The following ATP2B4 variants were observed in gnomAD, a reference collection of about 807,000 sequenced individuals.
ATP2B4 encodes the protein ATPase plasma membrane Ca2+ transporting 4.
In ATP2B4, 39 loss-of-function variants were observed where a neutral mutation model predicts 110.3. That is an observed-to-expected ratio of 0.35 (90% CI 0.27 to 0.46). The LOEUF (loss-of-function observed/expected upper bound fraction) is 0.46, where lower values mean the gene tolerates loss of function less well. Among genes scored for constraint, ATP2B4 ranks in the 20% least tolerant of loss-of-function variants. The pLI is 1.00. For missense variants in ATP2B4, 1,135 were observed against 1,530.9 expected (o/e 0.74, Z 4.32); for synonymous variants, 538 against 571.7 (o/e 0.94, Z 0.84).
chr1:203,731,628 A>C (rs1666715078), intron 20 of ATP2B4, among the ~76,000 whole-genome samples: 1 of 151,102 alleles, frequency 6.6e-6, no homozygotes. Context: ...GAGGAAGGCA[A>C]ATCACAAGGT....
At chr1:203,706,894 C>A in intron 8 of ATP2B4, 115 bp from the exon 9 acceptor site, 2 of 814,090 alleles carry the variant, frequency 2.5e-6, no homozygotes, top group Non-Finnish European at 3.9e-6. Context: ...GTCTTCCTGG[C>A]GATGGTGGTT....
intron 20 of ATP2B4, among the ~76,000 whole-genome samples, chr1:203,732,615 C>CA (rs1456198394): frequency 3.3e-5 from 5 of 152,018 alleles, no homozygotes; most frequent in Admixed American, 2.0e-4. Context: ...GGAAAATCCG[C>CA]AAAAATACGT....
At chr1:203,642,935 T>G (rs1663676757) in intron 1 of ATP2B4, among the ~76,000 whole-genome samples, 1 of 152,218 alleles carries the variant, frequency 6.6e-6, no homozygotes, top group African/African-American at 2.4e-5. Context: ...CGAATTTTAA[T>G]TTTTCCTATC....
At chr1:203,733,225 C>G in intron 20 of ATP2B4, 1 of 1,610,864 alleles carries the variant, frequency 6.2e-7, no homozygotes, top group Non-Finnish European at 8.5e-7. Flanking sequence ...CTTTGCAGAT[C>G]GACGTAATTA....
chr1:203,632,757 TTGG>T (rs1663310852), intron 1 of ATP2B4, among the ~76,000 whole-genome samples: 2 of 151,916 alleles, frequency 1.3e-5, no homozygotes, highest in Non-Finnish European at 2.9e-5. Flanking sequence ...AGACATGTTA[TTGG>T]TTGTGGTATT....
intron 1 of ATP2B4, among the ~76,000 whole-genome samples, chr1:203,669,155 G>T (rs529000313): frequency 6.6e-6 from 1 of 152,328 alleles, no homozygotes; most frequent in African/African-American, 2.4e-5. Flanking sequence ...GTATGTATAG[G>T]AGTTTAGAAT....
intron 1 of ATP2B4, among the ~76,000 whole-genome samples, chr1:203,643,560 C>T (rs1558012396): frequency 2.0e-5 from 3 of 152,224 alleles, no homozygotes; most frequent in Middle Eastern, 3.2e-3. Flanking sequence ...AATGCGTGAA[C>T]CAGAACTTGC....
At chr1:203,699,293 A>G (rs1327769607) in intron 3 of ATP2B4, among the ~76,000 whole-genome samples, 167 bp from the exon 4 acceptor site, 2 of 152,174 alleles carry the variant, frequency 1.3e-5, no homozygotes, top group Non-Finnish European at 2.9e-5. Flanking sequence ...TGATAAGACA[A>G]TACTCAATCC....
chr1:203,634,367 A>C (rs151231912), intron 1 of ATP2B4, among the ~76,000 whole-genome samples: 279 of 152,278 alleles, frequency 1.8e-3, no homozygotes, highest in African/African-American at 6.4e-3. Context: ...ATTTTTAGAG[A>C]TAGGGTCTCA....
intron 1 of ATP2B4, among the ~76,000 whole-genome samples, chr1:203,662,180 C>T (rs554207007): frequency 7.9e-5 from 12 of 152,170 alleles, no homozygotes; most frequent in South Asian, 4.2e-4. Flanking sequence ...CCTGCCACCA[C>T]GCCCGACTAA....
chr1:203,739,528 T>C lies in ATP2B4; in HGVS notation c.3310-18T>C. 1.3e-6 allele frequency: 2 copies of C among 1,598,740 alleles called. No individual in the cohort carries two copies. The highest frequency in any genetic ancestry group is 1.1e-5 in the South Asian group (1 of 89,426). ...ACCTCTCTATTTTCTCATCCTCCTT[T>C]TCCTTCCCCTGGTATAGATCAAAGT... On this transcript the variant is annotated intron_variant, in intron 20 of 20. Coordinates refer to ENST00000357681, the MANE Select transcript of ATP2B4 (RefSeq NM_001684.5).
At chr1:203,694,609 TG>T (rs1378091175) in intron 2 of ATP2B4, among the ~76,000 whole-genome samples, 2 of 152,088 alleles carry the variant, frequency 1.3e-5, no homozygotes, top group African/African-American at 4.8e-5. Context: ...AGATAAGGAC[TG>T]GGGGGCTGGG....
At chr1:203,654,525 A>G (rs1664099585) in intron 1 of ATP2B4, among the ~76,000 whole-genome samples, 1 of 152,222 alleles carries the variant, frequency 6.6e-6, no homozygotes, top group South Asian at 2.1e-4. Flanking sequence ...ATAGACAATG[A>G]TTCCTCTGAT....
Position 203,713,171 on chromosome 1 carries a change from C to T in ATP2B4, c.2218C>T (p.Gln740Ter). 1 of 1,614,146 alleles carries T rather than the reference C, an allele frequency of 6.2e-7. No homozygotes were observed. The highest frequency in any genetic ancestry group is 1.3e-5 in the African/African-American group (1 of 75,044). The change falls in exon 14 of 21, where the codon CAA (glutamine) becomes TAA (stop). Residue 740 changes from glutamine (Q) to a stop codon, truncating the protein, a stop_gained. Coordinates refer to ENST00000357681, the MANE Select transcript of ATP2B4 (RefSeq NM_001684.5). LOFTEE classifies it high-confidence loss of function. The stretch of plus-strand genomic sequence containing the variant: ...TGTGGTCTGGTGTTGGCAGGTAGAG[C>T]AAGAAAAGCTGGACAAGATCTGGCC... ...LIRNEKGEVEQEKLDKIWPKL... is the reference protein window; with the variant it reads ...LIRNEKGEVE
intron 1 of ATP2B4, among the ~76,000 whole-genome samples, chr1:203,678,401 T>G (rs1053318565): frequency 3.4e-5 from 5 of 148,528 alleles, no homozygotes; most frequent in Non-Finnish European, 7.5e-5. Flanking sequence ...GCTTTTTTTT[T>G]TTTTTTTTTT....
intron 1 of ATP2B4, among the ~76,000 whole-genome samples, chr1:203,630,724 T>G (rs1663243248): frequency 6.6e-6 from 1 of 152,196 alleles, no homozygotes; most frequent in South Asian, 2.1e-4. Flanking sequence ...GCTTCTCAGA[T>G]AAGCATTGAT....
chr1:203,632,115 G>C (rs932612995), intron 1 of ATP2B4, among the ~76,000 whole-genome samples: 1 of 151,506 alleles, frequency 6.6e-6, no homozygotes, highest in Non-Finnish European at 1.5e-5. Context: ...TTTACAATAG[G>C]AAATCATTGG....
At chr1:203,696,531 A>G (rs1174082621) in intron 2 of ATP2B4, among the ~76,000 whole-genome samples, 2 of 152,184 alleles carry the variant, frequency 1.3e-5, no homozygotes, top group African/African-American at 2.4e-5. Flanking sequence ...CAAACCGGCA[A>G]CCAACAGCTT....
chr1:203,646,664 G>A (rs1663809875), intron 1 of ATP2B4, among the ~76,000 whole-genome samples: 1 of 152,114 alleles, frequency 6.6e-6, no homozygotes, highest in Non-Finnish European at 1.5e-5. Flanking sequence ...TTGGGAGGCT[G>A]AGGCAGGAGA....
Sources: gnomAD v4.1 joint callset for allele counts (sites outside exome capture counted in the v4.1 genomes callset) on GRCh38, gnomAD v4.1.1 for gene constraint, MANE v1.5 for transcripts, NCBI Gene and HGNC (gene_info 2026-07-23, HGNC 2026-07-21) for gene names.